The following CLEC16A variants were observed in gnomAD, a reference collection of about 807,000 sequenced individuals.
The protein encoded by CLEC16A is C-type lectin domain containing 16A.
CLEC16A carries 51 observed loss-of-function variants against 109.5 expected under a neutral mutation model. The ratio of observed to expected loss-of-function variants is 0.47; its 90% CI spans 0.37 to 0.59. The LOEUF (loss-of-function observed/expected upper bound fraction) is 0.59. Ranked by LOEUF, CLEC16A falls within the 20% of genes least tolerant of loss-of-function variation. CLEC16A has a pLI of 0.00. For missense variants in CLEC16A, 1,339 were observed against 1,394.0 expected, an observed-to-expected ratio of 0.96 and a Z score of 0.63; for synonymous variants, 673 against 564.2, an observed-to-expected ratio of 1.19 and a Z score of -2.73.
Position 11,120,647 on chromosome 16 carries a change from A to G in CLEC16A, c.2149A>G (p.Thr717Ala). The G allele has an allele frequency of 6.2e-7, 1 of 1,613,208 alleles. No individual in the cohort carries two copies. Among genetic ancestry groups the G allele is most frequent in the South Asian group, 1.1e-5 (1 of 90,862 alleles). ...NSDLIACTVI[T>A]KDGGMVQRFL... The stretch of plus-strand genomic sequence containing the variant: ...CGACTTGATTGCATGTACAGTGATC[A>G]CCAAGGATGGCGGCATGGTCCAGCG... The change falls in exon 20 of 24, where the codon ACC becomes GCC. Residue 717 changes from threonine to alanine, a missense_variant. By Grantham distance (58) the Thr-to-Ala change is moderately conservative (BLOSUM62 0). Transcript: ENST00000409790.
chr16:11,061,530 T>C (rs907352264), intron 19 of CLEC16A, among the ~76,000 whole-genome samples: 3 of 152,204 alleles, frequency 2.0e-5, no homozygotes, highest in Admixed American at 6.5e-5. Flanking sequence ...TAGTGCCTCA[T>C]TGTTCTCATC....
At chr16:11,173,458 C>G (rs2068609765) in intron 23 of CLEC16A, among the ~76,000 whole-genome samples, 1 of 149,828 alleles carries the variant, frequency 6.7e-6, no homozygotes, top group South Asian at 2.1e-4. Flanking sequence ...CCACCTGGCA[C>G]CTGGTCTCCG....
chr16:11,163,324 A>G (rs1401829216), intron 22 of CLEC16A, among the ~76,000 whole-genome samples: 1 of 152,218 alleles, frequency 6.6e-6, no homozygotes, highest in Non-Finnish European at 1.5e-5. Context: ...AAAAAAAGCC[A>G]AAAGTCACTG....
chr16:11,113,339 C>T (rs2051730121), intron 19 of CLEC16A, among the ~76,000 whole-genome samples: 1 of 152,188 alleles, frequency 6.6e-6, no homozygotes, highest in Non-Finnish European at 1.5e-5. Flanking sequence ...TTTAAGTGTG[C>T]AAATAACATA....
intron 22 of CLEC16A, among the ~76,000 whole-genome samples, chr16:11,140,814 G>A (rs751759012): frequency 2.0e-5 from 3 of 152,204 alleles, no homozygotes; most frequent in Non-Finnish European, 4.4e-5. Flanking sequence ...ACACCCTGGA[G>A]CCAGACCCCC....
At chr16:10,982,766 C>T (rs763167254) in intron 9 of CLEC16A, 112 bp from the exon 10 acceptor site, 3 of 624,888 alleles carry the variant, frequency 4.8e-6, no homozygotes, top group Non-Finnish European at 8.8e-6. Flanking sequence ...GTAGGAATTG[C>T]TGCTTAATAC....
At chr16:11,175,323 T>G (rs1012986752) in intron 23 of CLEC16A, among the ~76,000 whole-genome samples, 21 of 152,160 alleles carry the variant, frequency 1.4e-4, no homozygotes, top group Non-Finnish European at 2.8e-4. Flanking sequence ...AATGTCCCAT[T>G]ACCCCCTCGG....
chr16:11,109,302 C>T (rs2051422576), intron 19 of CLEC16A, among the ~76,000 whole-genome samples: 1 of 151,782 alleles, frequency 6.6e-6, no homozygotes, highest in South Asian at 2.1e-4. Flanking sequence ...CACAGGTGTG[C>T]ACCACCACAC....
chr16:10,970,797 C>T lies in CLEC16A; in HGVS notation c.493-328C>T, dbSNP rs144223201. ...GGTCTTGCTCTGTTGCCCAGCCTGG[C>T]GTGCAGTGGCACGATCACATCTCAC... is the stretch of plus-strand genomic sequence containing the variant. On this transcript the variant is annotated intron_variant, in intron 4 of 23. Coordinates refer to ENST00000409790, the MANE Select transcript of CLEC16A (RefSeq NM_015226.3). Among the ~76,000 whole-genome samples, 35 of 152,264 alleles carry T rather than the reference C, an allele frequency of 2.3e-4. No homozygotes were observed. The East Asian group carries it at 5.6e-3, about 24-fold the overall frequency.
chr16:11,082,655 C>A (rs1216557381), intron 19 of CLEC16A, among the ~76,000 whole-genome samples: 1 of 152,200 alleles, frequency 6.6e-6, no homozygotes, highest in Non-Finnish European at 1.5e-5. Context: ...CCCTGGCGAT[C>A]AAGCTAAGCT....
chr16:11,023,700 T>C (rs2046251276), intron 12 of CLEC16A, among the ~76,000 whole-genome samples: 1 of 152,154 alleles, frequency 6.6e-6, no homozygotes, highest in Admixed American at 6.5e-5. Context: ...AAAGGTTATA[T>C]AGTGAACACT....
At chr16:11,147,557 C>T (rs1224633374) in intron 22 of CLEC16A, among the ~76,000 whole-genome samples, 2 of 152,228 alleles carry the variant, frequency 1.3e-5, no homozygotes, top group Admixed American at 1.3e-4. Flanking sequence ...GCAAGCTCTA[C>T]TCAGAACTTC....
intron 22 of CLEC16A, among the ~76,000 whole-genome samples, chr16:11,132,647 C>T (rs966949581): frequency 1.3e-5 from 2 of 152,210 alleles, no homozygotes; most frequent in African/African-American, 4.8e-5. Flanking sequence ...TTCCCATGGT[C>T]TTCATAGTCC....
At chr16:11,107,221 C>G (rs141107035) in intron 19 of CLEC16A, among the ~76,000 whole-genome samples, 9 of 149,644 alleles carry the variant, frequency 6.0e-5, no homozygotes, top group African/African-American at 2.0e-4. Flanking sequence ...GTTTCCTTTA[C>G]AAATCCCAGA....
In CLEC16A at chr16:10,982,212, T is replaced by C. The variant is rs536542149; in HGVS notation, c.958-666T>C. ...ATTCTTAAAGCTGGTCCTCTGAACA[T>C]TGGGCAACAGGTGTGGGAGCAGGGC... On this transcript the variant is annotated intron_variant, in intron 9 of 23. Coordinates refer to ENST00000409790, the MANE Select transcript of CLEC16A (RefSeq NM_015226.3). Among the ~76,000 whole-genome samples, 5 of 152,310 alleles carry C rather than the reference T, an allele frequency of 3.3e-5. No individual in the cohort carries two copies. The South Asian group carries it at 8.3e-4, about 25-fold the overall frequency.
chr16:11,073,509 A>G (rs1019228550), intron 19 of CLEC16A, among the ~76,000 whole-genome samples: 4 of 152,114 alleles, frequency 2.6e-5, no homozygotes, highest in Admixed American at 2.6e-4. Context: ...CCCAGTATGT[A>G]AAAGGCGCCT....
At chr16:11,020,391 T>A in intron 12 of CLEC16A, 66 bp downstream of exon 12, 2 of 1,500,254 alleles carry the variant, frequency 1.3e-6, no homozygotes, top group Non-Finnish European at 1.8e-6. Context: ...AGTGGGGAGG[T>A]TGAGCCCTAG....
At chr16:10,945,758 C>T (rs2041327977) in intron 1 of CLEC16A, among the ~76,000 whole-genome samples, 2 of 152,230 alleles carry the variant, frequency 1.3e-5, no homozygotes, top group Admixed American at 6.5e-5. Context: ...TCCCAGACCA[C>T]CCTACCTAAC....
intron 11 of CLEC16A, among the ~76,000 whole-genome samples, chr16:11,007,843 GAGA>G (rs61577867): frequency 0.011 from 1,609 of 152,250 alleles, 31 homozygotes; most frequent in African/African-American, 0.037. Flanking sequence ...GGAAGAGAGG[GAGA>G]AGAAGGATCA....
Sources: allele counts gnomAD v4.1 joint callset (sites outside exome capture counted in the v4.1 genomes callset), GRCh38; gene constraint gnomAD v4.1.1; transcripts MANE v1.5; gene names NCBI Gene and HGNC (gene_info 2026-07-23, HGNC 2026-07-21).